VPS37A: variants seen among roughly 807,000 people sequenced by gnomAD.
VPS37A encodes the protein VPS37A subunit of ESCRT-I.
A neutral mutation model predicts 49.8 loss-of-function variants in VPS37A; 30 were observed. The observed-to-expected ratio is 0.60, with a 90% CI of 0.45 to 0.82. The LOEUF is 0.82. VPS37A is among the 40% of genes least tolerant of loss of function. The probability of loss-of-function intolerance (pLI) is 0.00; values close to 1 mark genes in which losing one functional copy is unlikely to be tolerated. For missense variants in VPS37A, 593 were observed against 464.4 expected (o/e 1.28, Z -2.55); for synonymous variants, 195 against 160.6 (o/e 1.21, Z -1.62).
intron 2 of VPS37A, 83 bp downstream of exon 2, chr8:17,266,064 T>C (rs1424730699): frequency 8.1e-7 from 1 of 1,241,306 alleles, no homozygotes; most frequent in African/African-American, 1.5e-5. Flanking sequence ...AAATAAACTT[T>C]TAAGGTGAAC....
At chr8:17,325,976 T>TA in the VPS37A span, among the ~76,000 whole-genome samples, 1 of 152,244 alleles carries the variant, frequency 6.6e-6, no homozygotes, top group African/African-American at 2.4e-5. Context: ...AAGCACTTTA[T>TA]AGTTTGCAAG....
At chr8:17,279,833 A>G (rs776515667) in intron 6 of VPS37A, 195 bp from the exon 7 acceptor site, 2 of 683,450 alleles carry the variant, frequency 2.9e-6, no homozygotes, top group Non-Finnish European at 5.2e-6. Flanking sequence ...TCAAGAATAT[A>G]TTACAGACTG....
downstream of VPS37A, among the ~76,000 whole-genome samples, chr8:17,306,974 C>T (rs59354233): frequency 1.1e-3 from 169 of 152,262 alleles, no homozygotes; most frequent in African/African-American, 3.9e-3. Context: ...AGGACATAGG[C>T]ATGGGCAAGG....
chr8:17,297,555 C>T lies in VPS37A; in HGVS notation c.*2569C>T, dbSNP rs1460136912. On this transcript the variant is annotated 3_prime_UTR_variant, in exon 12 of 12. Transcript: ENST00000324849. The stretch of plus-strand genomic sequence containing the variant: ...TGCTGGGTCATGGTCAAAATTCTTA[C>T]CTATTTATTTCATATCAACTTTAAA... 1.8e-5 allele frequency: 2 copies of T among 111,450 alleles called. No homozygotes were observed. Among genetic ancestry groups the T allele is most frequent in the African/African-American group, 4.6e-5 (1 of 21,900 alleles). 6.9% of individuals were successfully genotyped at this position (111,450 alleles called of 1,614,324 possible). A position where few individuals can be genotyped will look rare whatever the true frequency, so the allele number is the denominator to read the frequency against.
At chr8:17,300,294 T>G (rs149289055), downstream of VPS37A, 147 of 1,454,548 alleles carry the variant, frequency 1.0e-4, 1 homozygote, top group African/African-American at 2.0e-3. Flanking sequence ...ATGCATGTCT[T>G]TAGCATTTGT....
chr8:17,274,555 C>T (rs1379616180), intron 4 of VPS37A, among the ~76,000 whole-genome samples, 178 bp from the exon 5 acceptor site: 2 of 151,724 alleles, frequency 1.3e-5, no homozygotes, highest in Non-Finnish European at 2.9e-5. Context: ...GGGGTGGGGT[C>T]ATATTTTACC....
chr8:17,318,581 T>G, the VPS37A span, among the ~76,000 whole-genome samples: 4 of 152,268 alleles, frequency 2.6e-5, no homozygotes, highest in Admixed American at 2.6e-4. Context: ...GAGGAATCGC[T>G]GTTGGCCACT....
chr8:17,255,046 A>G (rs1812312442), intron 1 of VPS37A, among the ~76,000 whole-genome samples: 1 of 152,234 alleles, frequency 6.6e-6, no homozygotes, highest in Non-Finnish European at 1.5e-5. Context: ...ATCACACTGT[A>G]TGCTCATTCA....
intron 1 of VPS37A, among the ~76,000 whole-genome samples, chr8:17,251,412 A>G (rs550510426): frequency 1.3e-5 from 2 of 152,248 alleles, no homozygotes; most frequent in Non-Finnish European, 2.9e-5. Flanking sequence ...TAAAAAATAT[A>G]TGTAAGACAT....
At chr8:17,254,732 C>G (rs1419348784) in intron 1 of VPS37A, among the ~76,000 whole-genome samples, 1 of 151,910 alleles carries the variant, frequency 6.6e-6, no homozygotes, top group Non-Finnish European at 1.5e-5. Context: ...CTTTTCAGCA[C>G]TGTTATGGAT....
rs1227849112 is a variant in VPS37A, at chr8:17,295,462, T to C, written c.*476T>C. ...TTGTGGATAAAACTTTCAAAAGCAATTTAAGATATTCATAGTGTTAGGAAA... is the reference window on the plus strand; with the variant it reads ...TTGTGGATAAAACTTTCAAAAGCAACTTAAGATATTCATAGTGTTAGGAAA... On this transcript the variant is annotated 3_prime_UTR_variant, in exon 12 of 12. Transcript: ENST00000324849. 2 of 152,622 alleles carry C rather than the reference T, an allele frequency of 1.3e-5. No homozygotes were observed. The highest frequency in any genetic ancestry group is 1.5e-5 in the Non-Finnish European group (1 of 68,020). 9.5% of individuals were successfully genotyped at this position (152,622 alleles called of 1,614,324 possible). A position where few individuals can be genotyped will look rare whatever the true frequency, so the allele number is the denominator to read the frequency against.
intron 11 of VPS37A, among the ~76,000 whole-genome samples, chr8:17,294,384 T>C (rs535804632): frequency 6.6e-6 from 1 of 152,314 alleles, no homozygotes; most frequent in East Asian, 1.9e-4. Flanking sequence ...CTTAGCTTGC[T>C]AGACTCCATA....
At chr8:17,317,685 G>A in the VPS37A span, among the ~76,000 whole-genome samples, 3 of 152,126 alleles carry the variant, frequency 2.0e-5, no homozygotes, top group Admixed American at 6.6e-5. Flanking sequence ...GCAAACATTC[G>A]GCTACTACTC....
chr8:17,257,142 A>G (rs1443528199), intron 1 of VPS37A, among the ~76,000 whole-genome samples: 1 of 152,136 alleles, frequency 6.6e-6, no homozygotes, highest in Non-Finnish European at 1.5e-5. Flanking sequence ...TCTTCAGCAT[A>G]TAGTTACCCA....
rs1811328370 is a variant in VPS37A, at chr8:17,247,317, C to T, written c.73C>T (p.Leu25Phe). 5.1e-6 allele frequency: 8 copies of T among 1,562,646 alleles called. No individual in the cohort carries two copies. The highest frequency in any genetic ancestry group is 4.1e-5 in the African/African-American group (3 of 73,544). Residue 25 changes from leucine to phenylalanine, a missense_variant, in exon 1 of 12, where the codon CTC (leucine) becomes TTC (phenylalanine). Leu to Phe is a conservative substitution (Grantham distance 22, BLOSUM62 0). Coordinates refer to ENST00000324849, the MANE Select transcript of VPS37A (RefSeq NM_152415.3). Reference sequence around the variant, plus strand: ...TGGGTCCCCCGGTGGCCTCACCAGCCTCCAGCAGCAGAAGCAGCGCCTGAT... The same window carrying T: ...TGGGTCCCCCGGTGGCCTCACCAGCTTCCAGCAGCAGAAGCAGCGCCTGAT... ...AAGSPGGLTS[L>F]QQQKQRLIES...
downstream of VPS37A, chr8:17,304,546 A>G (rs1399873435): frequency 1.2e-6 from 2 of 1,604,206 alleles, no homozygotes; most frequent in Admixed American, 1.7e-5. Context: ...AAGTCTATAA[A>G]TGACCTATTT....
At chr8:17,286,598 A>G (rs1438799955) in intron 11 of VPS37A, 171 bp downstream of exon 11, 2 of 531,674 alleles carry the variant, frequency 3.8e-6, no homozygotes, top group African/African-American at 1.9e-5. Context: ...ATATAAACAT[A>G]TAACTAGTAG....
the VPS37A span, chr8:17,311,424 A>C: frequency 6.4e-7 from 1 of 1,558,546 alleles, no homozygotes; most frequent in Non-Finnish European, 8.7e-7. Context: ...GCTGGCAAGA[A>C]AACAGCAGTT....
At chr8:17,257,230 G>T (rs933158521) in intron 1 of VPS37A, among the ~76,000 whole-genome samples, 2 of 152,128 alleles carry the variant, frequency 1.3e-5, no homozygotes, top group South Asian at 4.2e-4. Flanking sequence ...AGATGAGTTG[G>T]CTGTAAATTA....
Sources: allele counts gnomAD v4.1 joint callset (sites outside exome capture counted in the v4.1 genomes callset), GRCh38; gene constraint gnomAD v4.1.1; transcripts MANE v1.5; gene names NCBI Gene and HGNC (gene_info 2026-07-23, HGNC 2026-07-21).